DIP2B: variants seen among roughly 807,000 people sequenced by gnomAD.
The protein encoded by DIP2B is DIP2 acetate--CoA ligase B (putative), also known as disco-interacting protein 2 homolog B.
In DIP2B, 76 loss-of-function variants were observed where a neutral mutation model predicts 198.0. The observed-to-expected ratio is 0.38, with a 90% CI of 0.32 to 0.46. DIP2B has a LOEUF of 0.46. Ranked by LOEUF, DIP2B falls within the 20% of genes least tolerant of loss-of-function variation. The pLI is 0.99. For synonymous variants in DIP2B, 701 were observed against 739.1 expected, an observed-to-expected ratio of 0.95 and a Z score of 0.84; for missense variants, 1,559 against 1,978.4, an observed-to-expected ratio of 0.79 and a Z score of 4.02.
At chr12:50,643,451 G>GTGTGTT (rs1555189560) in intron 3 of DIP2B, among the ~76,000 whole-genome samples, 4 of 142,396 alleles carry the variant, frequency 2.8e-5, no homozygotes, top group Non-Finnish European at 6.1e-5. Context: ...GTGTGTGTGT[G>GTGTGTT]TTTTAAAGGA....
intron 1 of DIP2B, among the ~76,000 whole-genome samples, chr12:50,603,250 G>A (rs1243715689): frequency 1.3e-5 from 2 of 151,966 alleles, no homozygotes; most frequent in Admixed American, 1.3e-4. Context: ...TTAAAAGTAG[G>A]CAAGGTCATG....
chr12:50,676,023 C>G (rs111615009), intron 7 of DIP2B, among the ~76,000 whole-genome samples: 1 of 152,132 alleles, frequency 6.6e-6, no homozygotes, highest in Non-Finnish European at 1.5e-5. Flanking sequence ...ATAGGCACTT[C>G]TGAGAAGGGA....
chr12:50,514,211 A>G (rs570177299), intron 1 of DIP2B, among the ~76,000 whole-genome samples: 3 of 151,758 alleles, frequency 2.0e-5, no homozygotes, highest in African/African-American at 7.2e-5. Context: ...GATTACAGGC[A>G]TGCACCATTG....
chr12:50,605,118 T>C (rs1322134812), intron 1 of DIP2B, among the ~76,000 whole-genome samples: 1 of 152,222 alleles, frequency 6.6e-6, no homozygotes, highest in Admixed American at 6.5e-5. Flanking sequence ...CCCGATTTGA[T>C]TTATTAAACT....
chr12:50,695,167 T>C (rs1939288798), intron 14 of DIP2B, 100 bp from the exon 15 acceptor site: 1 of 886,016 alleles, frequency 1.1e-6, no homozygotes, highest in Non-Finnish European at 1.8e-6. Context: ...ATTTGAGTAT[T>C]ACTTGTATAA....
At chr12:50,601,289 GA>G (rs1958933787) in intron 1 of DIP2B, among the ~76,000 whole-genome samples, 3 of 152,010 alleles carry the variant, frequency 2.0e-5, no homozygotes, top group South Asian at 4.2e-4. Flanking sequence ...GATGACCAGG[GA>G]AAGTCTTTTC....
intron 1 of DIP2B, among the ~76,000 whole-genome samples, chr12:50,582,143 CTGTTTT>C (rs1190185862): frequency 3.4e-5 from 3 of 88,534 alleles, no homozygotes; most frequent in East Asian, 4.2e-4. Context: ...TTCTTTTTTT[CTGTTTT>C]TTTTTTTTTT....
chr12:50,528,446 A>C (rs1446685809), intron 1 of DIP2B, among the ~76,000 whole-genome samples: 1 of 152,050 alleles, frequency 6.6e-6, no homozygotes, highest in Non-Finnish European at 1.5e-5. Context: ...AAAAAAAAAA[A>C]AGGAAAAGTA....
chr12:50,616,926 C>T (rs1370640250), intron 1 of DIP2B, among the ~76,000 whole-genome samples: 4 of 152,172 alleles, frequency 2.6e-5, no homozygotes, highest in Non-Finnish European at 5.9e-5. Flanking sequence ...ACATTCTCAG[C>T]TATATTTTTA....
At chr12:50,721,432 C>T in intron 26 of DIP2B, 36 bp downstream of exon 26, 1 of 1,609,714 alleles carries the variant, frequency 6.2e-7, no homozygotes, top group Admixed American at 1.7e-5. Context: ...GTTTAAGCTC[C>T]AATACTAGAC....
intron 1 of DIP2B, among the ~76,000 whole-genome samples, chr12:50,556,309 AAGTGCTGGGATTACAGGCATGAGCCAT>A (rs1421430898): frequency 1.3e-5 from 2 of 151,848 alleles, no homozygotes; most frequent in Non-Finnish European, 1.5e-5. Flanking sequence ...CAGCCTCCCA[AAGTGCTGGGATTACAGGCATGAGCCAT>A]AGTGCTGGGA....
Position 50,517,522 on chromosome 12 carries a change from A to G in DIP2B, c.100+12282A>G, listed in dbSNP as rs886707012. On this transcript the variant is annotated intron_variant, in intron 1 of 37. Transcript: ENST00000301180. ...GCCTGTCTCGGTCTCTTCTCCCTTCAGTAGGTCTTTCTCTACCCTGTCACT... is the reference window on the plus strand; with the variant it reads ...GCCTGTCTCGGTCTCTTCTCCCTTCGGTAGGTCTTTCTCTACCCTGTCACT... Among the ~76,000 whole-genome samples the G allele has an allele frequency of 1.1e-3, 161 of 152,258 alleles. 1 individual carries two copies. Among genetic ancestry groups the G allele is most frequent in the African/African-American group, 3.5e-3 (145 of 41,560 alleles).
chr12:50,636,310 G>A (rs1437415192), intron 2 of DIP2B, among the ~76,000 whole-genome samples: 1 of 152,172 alleles, frequency 6.6e-6, no homozygotes, highest in African/African-American at 2.4e-5. Flanking sequence ...TGATTTAAAA[G>A]TTCCTTCCCA....
At chr12:50,652,407 C>T (rs1015775145) in intron 3 of DIP2B, among the ~76,000 whole-genome samples, 5 of 150,208 alleles carry the variant, frequency 3.3e-5, no homozygotes, top group Non-Finnish European at 7.4e-5. Context: ...CGTGGTGGCA[C>T]GTGCCCATAG....
chr12:50,572,193 T>G (rs548478095), intron 1 of DIP2B, among the ~76,000 whole-genome samples: 1 of 152,338 alleles, frequency 6.6e-6, no homozygotes, highest in Admixed American at 6.5e-5. Context: ...GTGTGTTCCA[T>G]TTCTCTTTAA....
chr12:50,595,645 T>C (rs1002622748), intron 1 of DIP2B, among the ~76,000 whole-genome samples: 2 of 152,220 alleles, frequency 1.3e-5, no homozygotes, highest in African/African-American at 4.8e-5. Context: ...GTCAAGATTA[T>C]ATTTAATGTG....
intron 1 of DIP2B, among the ~76,000 whole-genome samples, chr12:50,590,516 C>G (rs1459339209): frequency 6.6e-6 from 1 of 152,038 alleles, no homozygotes; most frequent in African/African-American, 2.4e-5. Context: ...ATTACAGGCA[C>G]GCACCACCAT....
chr12:50,657,351 CTTATTAA>C (rs1938572496), intron 3 of DIP2B, among the ~76,000 whole-genome samples: 2 of 151,038 alleles, frequency 1.3e-5, no homozygotes, highest in Non-Finnish European at 2.9e-5. Flanking sequence ...CCATGAATTA[CTTATTAA>C]TTGCAAACGG....
chr12:50,550,090 G>A (rs1476307951), intron 1 of DIP2B, among the ~76,000 whole-genome samples: 1 of 152,128 alleles, frequency 6.6e-6, no homozygotes, highest in East Asian at 1.9e-4. Context: ...CAGCCATTTT[G>A]CCCTGTGTTA....
Sources: allele counts gnomAD v4.1 joint callset (sites outside exome capture counted in the v4.1 genomes callset), GRCh38; gene constraint gnomAD v4.1.1; transcripts MANE v1.5; gene names NCBI Gene and HGNC (gene_info 2026-07-23, HGNC 2026-07-21).